The following FBXW8 variants were observed in gnomAD, a reference collection of about 807,000 sequenced individuals.
FBXW8 encodes the protein F-box/WD repeat-containing protein 8.
In FBXW8, 57 loss-of-function variants were observed where a neutral mutation model predicts 65.3. The ratio of observed to expected loss-of-function variants is 0.87; its 90% CI spans 0.71 to 1.09. FBXW8 has a LOEUF of 1.09. FBXW8 is among the 50% of genes least tolerant of loss of function. The probability of loss-of-function intolerance (pLI) is 0.00; values close to 1 mark genes in which losing one functional copy is unlikely to be tolerated. For synonymous variants in FBXW8, 308 were observed against 330.2 expected (o/e 0.93, Z 0.73); for missense variants, 777 against 814.8 (o/e 0.95, Z 0.57).
chr12:116,975,528 C>A (rs1407291110), intron 5 of FBXW8, among the ~76,000 whole-genome samples: 3 of 152,116 alleles, frequency 2.0e-5, no homozygotes. Flanking sequence ...AGGGGGGACA[C>A]AACATTCAGA....
chr12:116,961,223 T>C lies in FBXW8; in HGVS notation c.678-3474T>C, dbSNP rs1883967782. ...GTTGGCCAGGCTGGTCTCAACCTCC[T>C]GACCTCAGGTGATCTGCCCCTGCCC... On this transcript the variant is annotated intron_variant, in intron 4 of 10. Transcript: ENST00000652555. This position sits in a 1 kb window ranked among gnomAD's most constrained non-coding sequence, Gnocchi z 4.4. Among the ~76,000 whole-genome samples the C allele has an allele frequency of 2.0e-5, 3 of 152,196 alleles. No individual in the cohort carries two copies. The highest frequency in any genetic ancestry group is 2.0e-4 in the Admixed American group (3 of 15,278).
chr12:116,980,499 C>T (rs536672527), intron 5 of FBXW8: 1 of 152,268 alleles, frequency 6.6e-6, no homozygotes, highest in Non-Finnish European at 1.5e-5. Flanking sequence ...TACCATAGGG[C>T]ATAGAGAGGG....
chr12:116,980,617 A>G (rs1402305403), intron 5 of FBXW8, among the ~76,000 whole-genome samples: 1 of 152,160 alleles, frequency 6.6e-6, no homozygotes, highest in African/African-American at 2.4e-5. Flanking sequence ...ATGAATTTAT[A>G]TCAGATTTAA....
At chr12:116,918,603 A>G (rs931680706) in intron 1 of FBXW8, among the ~76,000 whole-genome samples, 3 of 152,246 alleles carry the variant, frequency 2.0e-5, no homozygotes, top group Non-Finnish European at 2.9e-5. Flanking sequence ...CTCAAGGGAA[A>G]GAGAGCTGCA....
intron 2 of FBXW8, among the ~76,000 whole-genome samples, chr12:116,937,423 G>A (rs542023844): frequency 6.6e-6 from 1 of 152,348 alleles, no homozygotes; most frequent in East Asian, 1.9e-4. Flanking sequence ...GTGGACATGA[G>A]CAGGGCCAGG....
chr12:116,921,510 T>C (rs1284627963), intron 1 of FBXW8, among the ~76,000 whole-genome samples: 1 of 152,200 alleles, frequency 6.6e-6, no homozygotes, highest in East Asian at 1.9e-4. Flanking sequence ...TGTTGTAGTC[T>C]CCTGTATTTC....
intron 4 of FBXW8, among the ~76,000 whole-genome samples, chr12:116,953,842 A>C (rs1429002590): frequency 2.1e-5 from 3 of 140,948 alleles, no homozygotes; most frequent in Non-Finnish European, 4.7e-5. Context: ...CCAGCCGGGC[A>C]TGGTGGCTCA....
chr12:116,958,350 A>G (rs1883782487), intron 4 of FBXW8, among the ~76,000 whole-genome samples: 1 of 152,264 alleles, frequency 6.6e-6, no homozygotes, highest in Non-Finnish European at 1.5e-5. Flanking sequence ...GCAAAGAAAT[A>G]CCAAAGAAGC....
chr12:116,942,754 T>A (rs1253233889), intron 2 of FBXW8, among the ~76,000 whole-genome samples: 1 of 150,684 alleles, frequency 6.6e-6, no homozygotes, highest in Non-Finnish European at 1.5e-5. Flanking sequence ...CTGTACTTTT[T>A]AACTCCAGAG....
At chr12:116,974,126 C>T (rs1204945324) in intron 5 of FBXW8, among the ~76,000 whole-genome samples, 1 of 152,128 alleles carries the variant, frequency 6.6e-6, no homozygotes, top group South Asian at 2.1e-4. Context: ...CTTGAGGAGG[C>T]CCCAGTGAGG....
intron 3 of FBXW8, among the ~76,000 whole-genome samples, chr12:116,947,725 C>T (rs1256230480): frequency 1.6e-5 from 2 of 127,806 alleles, no homozygotes; most frequent in African/African-American, 6.0e-5. Flanking sequence ...GGCGACAGAG[C>T]GAGACTGTCT....
chr12:116,942,717 C>T (rs932273101), intron 2 of FBXW8, among the ~76,000 whole-genome samples: 4 of 151,186 alleles, frequency 2.6e-5, no homozygotes, highest in Non-Finnish European at 1.5e-5. Flanking sequence ...TTGTTGAGCG[C>T]CTTTAGGGAA....
At chr12:116,996,643 A>C (rs1195652157) in intron 7 of FBXW8, among the ~76,000 whole-genome samples, 1 of 152,162 alleles carries the variant, frequency 6.6e-6, no homozygotes, top group Non-Finnish European at 1.5e-5. Flanking sequence ...TTTCATTTTC[A>C]TTTTTACCTT....
At position 117,028,584 on chromosome 12, in the gene FBXW8, G is replaced by A. The variant is rs1954294362; in HGVS notation, c.*412G>A. 1.1e-5 allele frequency: 2 copies of A among 176,628 alleles called. No homozygotes were observed. The highest frequency in any genetic ancestry group is 2.9e-4 in the South Asian group (2 of 6,982). 10.9% of individuals were successfully genotyped at this position (176,628 alleles called of 1,614,324 possible). Reference sequence around the variant, plus strand: ...ACCTCTTTTCCTCCGAGGGCCTTTGGATGTGCTTGTTCCTGGCCTCCAAGG... The same window carrying A: ...ACCTCTTTTCCTCCGAGGGCCTTTGAATGTGCTTGTTCCTGGCCTCCAAGG... On this transcript the variant is annotated 3_prime_UTR_variant, in exon 11 of 11. Coordinates refer to ENST00000652555, the MANE Select transcript of FBXW8 (RefSeq NM_153348.3). This position sits in a 1 kb window ranked among gnomAD's most constrained non-coding sequence, Gnocchi z 4.1.
chr12:116,945,533 G>A lies in FBXW8; in HGVS notation c.588+5G>A, dbSNP rs1882875115. The A allele has an allele frequency of 1.2e-6, 2 of 1,612,952 alleles. No homozygotes were observed. The highest frequency in any genetic ancestry group is 1.3e-5 in the African/African-American group (1 of 75,048). On this transcript the variant is annotated splice_donor_5th_base_variant and intron_variant, in intron 3 of 10. Coordinates refer to ENST00000652555, the MANE Select transcript of FBXW8 (RefSeq NM_153348.3). ...ATGTTACGAACCAACTGGAAGGTGG[G>A]CAGTGGCCAATATCATTACCTGTGA...
At chr12:116,940,690 T>C (rs1882508677) in intron 2 of FBXW8, among the ~76,000 whole-genome samples, 2 of 152,178 alleles carry the variant, frequency 1.3e-5, no homozygotes, top group Admixed American at 6.5e-5. Flanking sequence ...TTTATACCTT[T>C]TCATTTCCCT....
At chr12:116,928,683 G>A (rs1343242561) in intron 2 of FBXW8, among the ~76,000 whole-genome samples, 1 of 152,164 alleles carries the variant, frequency 6.6e-6, no homozygotes, top group African/African-American at 2.4e-5. Flanking sequence ...TTACTCTGGG[G>A]CATATGCCTG....
Position 116,912,598 on chromosome 12 carries a change from T to C in FBXW8, c.318+1243T>C, listed in dbSNP as rs188620369. On this transcript the variant is annotated intron_variant, in intron 1 of 10. Coordinates refer to ENST00000652555, the MANE Select transcript of FBXW8 (RefSeq NM_153348.3). ...CCTCAGCCTCCCCAGTAGCTGGGAC[T>C]AACAGGCGCCCACCACCACGCCCGG... Among the ~76,000 whole-genome samples, 8 of 152,058 alleles carry C rather than the reference T, an allele frequency of 5.3e-5. No homozygotes were observed. The East Asian group carries it at 1.6e-3, about 29-fold the overall frequency.
intron 7 of FBXW8, chr12:117,003,295 C>A (rs1376903232): frequency 6.6e-6 from 1 of 152,220 alleles, no homozygotes; most frequent in Non-Finnish European, 1.5e-5. Context: ...TATACTGAGC[C>A]CCTCCTATGT....
Sources: allele counts gnomAD v4.1 joint callset (sites outside exome capture counted in the v4.1 genomes callset), GRCh38; gene constraint gnomAD v4.1.1; non-coding constraint Gnocchi (gnomAD v3.1); transcripts MANE v1.5; gene names NCBI Gene and HGNC (gene_info 2026-07-23, HGNC 2026-07-21).